The following BRINP1 variants were observed in gnomAD, a reference collection of about 807,000 sequenced individuals.
BRINP1 encodes the protein BMP/retinoic acid-inducible neural-specific protein 1.
A neutral mutation model predicts 72.9 loss-of-function variants in BRINP1; 17 were observed. The ratio of observed to expected loss-of-function variants is 0.23; its 90% CI spans 0.16 to 0.35. The LOEUF is 0.35. Ranked by LOEUF, BRINP1 falls within the 10% of genes least tolerant of loss-of-function variation. BRINP1 has a pLI of 1.00. For missense variants in BRINP1, 850 were observed against 1,001.6 expected (o/e 0.85, Z 2.04); for synonymous variants, 418 against 378.5 (o/e 1.10, Z -1.21).
intron 7 of BRINP1, among the ~76,000 whole-genome samples, chr9:119,205,120 G>C (rs569744661): frequency 3.9e-5 from 6 of 152,050 alleles, no homozygotes; most frequent in Non-Finnish European, 7.4e-5. Context: ...TGCCAGAGAG[G>C]TGCCCTGCGG....
chr9:119,292,425 C>A (rs1053500323), intron 2 of BRINP1, among the ~76,000 whole-genome samples: 2 of 152,160 alleles, frequency 1.3e-5, no homozygotes, highest in Non-Finnish European at 2.9e-5. Context: ...TAACACCATA[C>A]AATTAGCACC....
At chr9:119,200,636 G>GAAAAAAAA (rs774466695) in intron 7 of BRINP1, among the ~76,000 whole-genome samples, 1 of 121,208 alleles carries the variant, frequency 8.3e-6, no homozygotes, top group East Asian at 2.9e-4. Flanking sequence ...GAAAAAAAAA[G>GAAAAAAAA]AAAAAAAAAA....
chr9:119,238,811 G>T, intron 4 of BRINP1, 51 bp from the exon 5 acceptor site: 1 of 1,241,912 alleles, frequency 8.1e-7, no homozygotes. Context: ...CCTTGTCTAG[G>T]ACATACCCCA....
At chr9:119,339,949 G>A (rs1388348703) in intron 1 of BRINP1, among the ~76,000 whole-genome samples, 1 of 152,028 alleles carries the variant, frequency 6.6e-6, no homozygotes, top group Non-Finnish European at 1.5e-5. Context: ...CATGGACAGG[G>A]TTTGTCTGCC....
At chr9:119,328,278 G>A (rs186206526) in intron 1 of BRINP1, among the ~76,000 whole-genome samples, 35 of 152,302 alleles carry the variant, frequency 2.3e-4, no homozygotes, top group Non-Finnish European at 5.1e-4. Flanking sequence ...GTAGCTGACA[G>A]TTGTCAACAG....
At position 119,167,231 on chromosome 9, in the gene BRINP1, C is replaced by T; in HGVS notation, c.2139G>A (p.Gly713=). 2 of 1,614,126 alleles carry T rather than the reference C, an allele frequency of 1.2e-6. No homozygotes were observed. The highest frequency in any genetic ancestry group is 1.7e-6 in the Non-Finnish European group (2 of 1,180,036). ...AGGAGAACAAGTCCAGCTGGGGTTT[C>T]CCCGGGGCCACAGGAGGGGCCAGGC... ...INRLAPPVAP[G]KPQLDLFSCM... The change falls in exon 8 of 8, where the codon GGG becomes GGA. Residue 713 remains glycine, a synonymous_variant. Coordinates refer to ENST00000265922, the MANE Select transcript of BRINP1 (RefSeq NM_014618.3). The surrounding 1 kb of genome is among the most constrained non-coding windows in gnomAD (Gnocchi z 4.3).
intron 2 of BRINP1, among the ~76,000 whole-genome samples, chr9:119,278,792 G>A (rs1044551687): frequency 6.6e-6 from 1 of 152,140 alleles, no homozygotes; most frequent in Non-Finnish European, 1.5e-5. Flanking sequence ...GGAGGCTGAG[G>A]CAGGAGAGTG....
intron 5 of BRINP1, among the ~76,000 whole-genome samples, chr9:119,230,532 C>G (rs1344220226): frequency 6.6e-6 from 1 of 151,788 alleles, no homozygotes; most frequent in Non-Finnish European, 1.5e-5. Context: ...GATGAGGGGA[C>G]ATTTGTGCTT....
intron 1 of BRINP1, among the ~76,000 whole-genome samples, chr9:119,319,338 T>C (rs1831161010): frequency 6.6e-6 from 1 of 152,228 alleles, no homozygotes; most frequent in Non-Finnish European, 1.5e-5. Flanking sequence ...GATGAATGTT[T>C]CATGGAAGAA....
At chr9:119,181,210 G>T (rs1829553181) in intron 7 of BRINP1, among the ~76,000 whole-genome samples, 3 of 152,162 alleles carry the variant, frequency 2.0e-5, no homozygotes, top group Admixed American at 2.0e-4. Context: ...TTCTTGGGCA[G>T]TAGTTAGACT....
chr9:119,258,391 T>C (rs1383517799), intron 2 of BRINP1, among the ~76,000 whole-genome samples: 1 of 152,182 alleles, frequency 6.6e-6, no homozygotes, highest in East Asian at 1.9e-4. Flanking sequence ...AGCACTGTTA[T>C]CGAGGGCAGG....
In BRINP1 at chr9:119,278,773, A is replaced by G. The variant is rs371767962; in HGVS notation, c.219-29623T>C. 4.6e-5 allele frequency among the ~76,000 whole-genome samples: 7 copies of G among 152,214 alleles called. 1 individual carries two copies. The highest frequency in any genetic ancestry group is 1.9e-4 in the East Asian group (1 of 5,180). On this transcript the variant is annotated intron_variant, in intron 2 of 7. Coordinates refer to ENST00000265922, the MANE Select transcript of BRINP1 (RefSeq NM_014618.3). ...CGTGGTGGTGCGTGCCTGTAGTCTC[A>G]GCTACTCAGGAGGCTGAGGCAGGAG...
chr9:119,313,832 T>C (rs1263013474), intron 1 of BRINP1, among the ~76,000 whole-genome samples: 1 of 152,186 alleles, frequency 6.6e-6, no homozygotes, highest in African/African-American at 2.4e-5. Context: ...GTAAGAGACA[T>C]AGGGACACAA....
chr9:119,186,277 C>G (rs1404595751), intron 7 of BRINP1, among the ~76,000 whole-genome samples: 1 of 152,154 alleles, frequency 6.6e-6, no homozygotes, highest in Non-Finnish European at 1.5e-5. Flanking sequence ...CAGGGAACAG[C>G]TGCAATTTGG....
At chr9:119,308,726 C>A (rs1831025442) in intron 2 of BRINP1, among the ~76,000 whole-genome samples, 1 of 152,184 alleles carries the variant, frequency 6.6e-6, no homozygotes. Flanking sequence ...TTGATTTACA[C>A]TCAACTTTCA....
At chr9:119,290,092 A>C (rs1830806929) in intron 2 of BRINP1, among the ~76,000 whole-genome samples, 1 of 152,240 alleles carries the variant, frequency 6.6e-6, no homozygotes, top group African/African-American at 2.4e-5. Context: ...AATACATTCA[A>C]AAGAACAACA....
At position 119,357,508 on chromosome 9, in the gene BRINP1, A is replaced by C. The variant is rs185217883; in HGVS notation, c.-51+11548T>G. On this transcript the variant is annotated intron_variant, in intron 1 of 7. Coordinates refer to ENST00000265922, the MANE Select transcript of BRINP1 (RefSeq NM_014618.3). ...TCCTGGTGTCAGCAGCATTTGAACT[A>C]AGGGTGCAGATAAGCATGCTAAGCT... 5.3e-3 allele frequency among the ~76,000 whole-genome samples: 807 copies of C among 152,294 alleles called. 7 individuals are homozygous for C. Among genetic ancestry groups the C allele is most frequent in the Non-Finnish European group, 9.2e-3 (624 of 68,022 alleles).
intron 2 of BRINP1, chr9:119,283,354 C>G (rs1361821122): frequency 5.2e-6 from 1 of 193,836 alleles, no homozygotes; most frequent in East Asian, 1.9e-4. Flanking sequence ...TCTGCTTTGG[C>G]AAGCCCTCTT....
At chr9:119,276,179 T>A (rs188292140) in intron 2 of BRINP1, among the ~76,000 whole-genome samples, 29 of 152,332 alleles carry the variant, frequency 1.9e-4, no homozygotes, top group African/African-American at 7.0e-4. Flanking sequence ...ATTGGATACC[T>A]TCTTAAGTAT....
Sources: gnomAD v4.1 joint callset for allele counts (sites outside exome capture counted in the v4.1 genomes callset) on GRCh38, gnomAD v4.1.1 for gene constraint, Gnocchi (gnomAD v3.1) non-coding constraint, MANE v1.5 for transcripts, NCBI Gene and HGNC (gene_info 2026-07-23, HGNC 2026-07-21) for gene names.